The following MYRFL variants were observed in gnomAD, a reference collection of about 807,000 sequenced individuals.
The protein encoded by MYRFL is myelin regulatory factor-like protein.
MYRFL carries 88 observed loss-of-function variants against 109.4 expected under a neutral mutation model. That is an observed-to-expected ratio of 0.80 (90% CI 0.68 to 0.96). MYRFL has a LOEUF of 0.96. Among genes scored for constraint, MYRFL ranks in the 40% least tolerant of loss-of-function variants. The probability of loss-of-function intolerance (pLI) is 0.00; values close to 1 mark genes in which losing one functional copy is unlikely to be tolerated. For missense variants in MYRFL, 957 were observed against 954.9 expected, an observed-to-expected ratio of 1.00 and a Z score of -0.03; for synonymous variants, 324 against 320.9, an observed-to-expected ratio of 1.01 and a Z score of -0.10.
chr12:69,863,278 G>A (rs1884807934), intron 2 of MYRFL, among the ~76,000 whole-genome samples: 1 of 152,164 alleles, frequency 6.6e-6, no homozygotes, highest in Non-Finnish European at 1.5e-5. Context: ...ATGTGTTAGG[G>A]AGGGTTCCCT....
At chr12:69,915,292 G>T (rs1326549796) in intron 13 of MYRFL, among the ~76,000 whole-genome samples, 1 of 152,154 alleles carries the variant, frequency 6.6e-6, no homozygotes, top group Non-Finnish European at 1.5e-5. Context: ...TTCATGTGCT[G>T]TAATAAGTGG....
At chr12:69,941,980 A>C (rs1263103182) in intron 19 of MYRFL, among the ~76,000 whole-genome samples, 2 of 150,944 alleles carry the variant, frequency 1.3e-5, no homozygotes, top group South Asian at 4.2e-4. Context: ...CCAAGACTAA[A>C]CCAGGAAGAA....
intron 2 of MYRFL, among the ~76,000 whole-genome samples, chr12:69,860,909 C>T (rs1388281081): frequency 1.6e-5 from 2 of 125,704 alleles, no homozygotes; most frequent in Non-Finnish European, 3.3e-5. Flanking sequence ...CCCCCCACCC[C>T]ACAACAGTCC....
At chr12:69,936,659 T>C in intron 19 of MYRFL, 27 bp downstream of exon 19, 1 of 1,470,096 alleles carries the variant, frequency 6.8e-7, no homozygotes, top group Middle Eastern at 1.8e-4. Context: ...GAGAAACAAC[T>C]AGAGCTTTGA....
intron 2 of MYRFL, among the ~76,000 whole-genome samples, chr12:69,864,126 G>A (rs1295784845): frequency 6.6e-6 from 1 of 152,124 alleles, no homozygotes; most frequent in Non-Finnish European, 1.5e-5. Flanking sequence ...CTAGGTATGA[G>A]CCTTTTTTTA....
At chr12:69,842,421 A>G (rs912088124) in intron 1 of MYRFL, among the ~76,000 whole-genome samples, 2 of 151,964 alleles carry the variant, frequency 1.3e-5, no homozygotes, top group African/African-American at 4.8e-5. Context: ...CAAGGTCAAC[A>G]TTTATTGAAT....
chr12:69,871,224 G>T (rs1469467916), intron 2 of MYRFL, among the ~76,000 whole-genome samples: 1 of 144,892 alleles, frequency 6.9e-6, no homozygotes, highest in Non-Finnish European at 1.5e-5. Context: ...ACTCTTTTTG[G>T]ATATTTCTTT....
At chr12:69,939,762 T>A (rs981305751) in intron 19 of MYRFL, among the ~76,000 whole-genome samples, 75 of 151,660 alleles carry the variant, frequency 4.9e-4, no homozygotes, top group African/African-American at 1.8e-3. Context: ...GGGAGGACAT[T>A]CAAACCAAAG....
intron 1 of MYRFL, among the ~76,000 whole-genome samples, chr12:69,835,115 T>C (rs529218331): frequency 6.6e-6 from 1 of 152,336 alleles, no homozygotes; most frequent in South Asian, 2.1e-4. Context: ...CTATGTTCTG[T>C]GATGCTCTCA....
chr12:69,957,440 A>ACTAT (rs1956121256), intron 22 of MYRFL, among the ~76,000 whole-genome samples: 1 of 152,148 alleles, frequency 6.6e-6, no homozygotes, highest in South Asian at 2.1e-4. Flanking sequence ...GGTTTTAAAA[A>ACTAT]CTATCATACA....
chr12:69,934,218 G>A (rs964487207), intron 16 of MYRFL, among the ~76,000 whole-genome samples: 9 of 152,178 alleles, frequency 5.9e-5, no homozygotes, highest in South Asian at 2.1e-4. Context: ...TACTTGGCCC[G>A]CTGTGGTCAG....
At chr12:69,862,309 G>A (rs1368457369) in intron 2 of MYRFL, among the ~76,000 whole-genome samples, 6 of 150,728 alleles carry the variant, frequency 4.0e-5, no homozygotes, top group South Asian at 4.2e-4. Context: ...GCTTGATGGG[G>A]ATGGCATTGA....
chr12:69,923,613 G>A (rs1019775752), intron 13 of MYRFL, among the ~76,000 whole-genome samples: 1 of 151,900 alleles, frequency 6.6e-6, no homozygotes, highest in Non-Finnish European at 1.5e-5. Context: ...CTATCTATGT[G>A]TGTATAATCC....
intron 1 of MYRFL, among the ~76,000 whole-genome samples, chr12:69,852,021 A>T (rs1438192272): frequency 1.3e-5 from 2 of 152,220 alleles, no homozygotes; most frequent in Non-Finnish European, 2.9e-5. Context: ...GTATGACTTA[A>T]TCTGAACTAC....
chr12:69,830,677 T>C (rs868434527), intron 1 of MYRFL, among the ~76,000 whole-genome samples: 1 of 152,068 alleles, frequency 6.6e-6, no homozygotes, highest in Non-Finnish European at 1.5e-5. Context: ...TCTATGAAAT[T>C]ATCTGAACAT....
At chr12:69,938,847 G>A (rs553483481) in intron 19 of MYRFL, among the ~76,000 whole-genome samples, 12 of 152,240 alleles carry the variant, frequency 7.9e-5, no homozygotes, top group South Asian at 4.2e-4. Context: ...CACCGTGCGC[G>A]AGCCGAAGCA....
intron 1 of MYRFL, among the ~76,000 whole-genome samples, chr12:69,843,481 T>A (rs926974377): frequency 6.6e-6 from 1 of 152,154 alleles, no homozygotes; most frequent in African/African-American, 2.4e-5. Flanking sequence ...AAGAAAGCTG[T>A]TGGATGGAAA....
chr12:69,870,329 C>T (rs780599606), intron 2 of MYRFL, among the ~76,000 whole-genome samples: 1 of 150,954 alleles, frequency 6.6e-6, no homozygotes, highest in Non-Finnish European at 1.5e-5. Context: ...CCACCCGCCT[C>T]GGCCTCCCGA....
chr12:69,855,236 C>T (rs779922071), intron 1 of MYRFL, 44 bp from the exon 2 acceptor site: 8 of 694,126 alleles, frequency 1.2e-5, no homozygotes. Context: ...ATTGGCCATA[C>T]TGAAATCTTC....
Sources: allele counts gnomAD v4.1 joint callset (sites outside exome capture counted in the v4.1 genomes callset), GRCh38; gene constraint gnomAD v4.1.1; transcripts MANE v1.5; gene names NCBI Gene and HGNC (gene_info 2026-07-23, HGNC 2026-07-21).